ACSS3: variants seen among roughly 807,000 people sequenced by gnomAD.
The protein encoded by ACSS3 is acyl-CoA synthetase short-chain family member 3, mitochondrial.
In ACSS3, 64 loss-of-function variants were observed where a neutral mutation model predicts 84.2. The ratio of observed to expected loss-of-function variants is 0.76; its 90% CI spans 0.62 to 0.94. The LOEUF (loss-of-function observed/expected upper bound fraction) is 0.94. Among genes scored for constraint, ACSS3 ranks in the 40% least tolerant of loss-of-function variants. The pLI, the probability that ACSS3 is intolerant of heterozygous loss-of-function variation, is 0.00. For synonymous variants in ACSS3, 317 were observed against 310.1 expected (o/e 1.02, Z -0.23); for missense variants, 815 against 867.6 (o/e 0.94, Z 0.76).
intron 11 of ACSS3, among the ~76,000 whole-genome samples, chr12:81,228,082 C>T (rs997816802): frequency 6.6e-6 from 1 of 151,768 alleles, no homozygotes; most frequent in African/African-American, 2.4e-5. Context: ...ATTAAAGGTA[C>T]TTTTGATATG....
intron 2 of ACSS3, among the ~76,000 whole-genome samples, chr12:81,127,825 A>G (rs551865264): frequency 1.3e-5 from 2 of 152,270 alleles, no homozygotes; most frequent in East Asian, 1.9e-4. Flanking sequence ...TTAGGTGAGC[A>G]CACTTGCTAT....
At chr12:81,158,026 C>A (rs2135773812) in intron 7 of ACSS3, among the ~76,000 whole-genome samples, 1 of 151,422 alleles carries the variant, frequency 6.6e-6, no homozygotes, top group South Asian at 2.1e-4. Flanking sequence ...GATTAACATA[C>A]AAATATTCAT....
chr12:81,091,241 A>G (rs1025875991), intron 1 of ACSS3, among the ~76,000 whole-genome samples: 1 of 151,998 alleles, frequency 6.6e-6, no homozygotes. Context: ...TTATGTTATC[A>G]GATTGTCATC....
intron 1 of ACSS3, among the ~76,000 whole-genome samples, chr12:81,096,446 A>T (rs1238659221): frequency 4.6e-4 from 70 of 152,190 alleles, no homozygotes; most frequent in Non-Finnish European, 8.8e-5. Context: ...TTAAAAGCGG[A>T]CATGCACTTG....
intron 9 of ACSS3, among the ~76,000 whole-genome samples, chr12:81,208,473 C>G (rs1331297438): frequency 6.6e-6 from 1 of 151,706 alleles, no homozygotes; most frequent in Non-Finnish European, 1.5e-5. Flanking sequence ...GCTTTTGCCC[C>G]GTATCCAGAC....
chr12:81,175,470 A>C (rs933419803), intron 8 of ACSS3, among the ~76,000 whole-genome samples: 2 of 152,176 alleles, frequency 1.3e-5, no homozygotes, highest in African/African-American at 4.8e-5. Context: ...GAGGCAGAAA[A>C]CTAACAAAGA....
intron 1 of ACSS3, among the ~76,000 whole-genome samples, chr12:81,079,012 G>A (rs1378079718): frequency 1.3e-5 from 2 of 152,126 alleles, no homozygotes. Context: ...GAGGGGAAGT[G>A]GTGAGTCAGG....
intron 8 of ACSS3, among the ~76,000 whole-genome samples, chr12:81,176,897 CAT>C (rs1245507262): frequency 6.6e-6 from 1 of 152,106 alleles, no homozygotes; most frequent in East Asian, 1.9e-4. Flanking sequence ...TCCTAATGAA[CAT>C]AGATGCAAAA....
At chr12:81,124,952 C>G (rs969244645) in intron 2 of ACSS3, among the ~76,000 whole-genome samples, 6 of 152,194 alleles carry the variant, frequency 3.9e-5, no homozygotes, top group Non-Finnish European at 8.8e-5. Context: ...TGGTGGCTCA[C>G]GCCTGTAATC....
rs1461685662 is a variant in ACSS3, at chr12:81,258,589, T to C, written c.*3667T>C. 6.6e-6 allele frequency: 1 copy of C among 152,174 alleles called. No individual in the cohort carries two copies. The highest frequency in any genetic ancestry group is 1.5e-5 in the Non-Finnish European group (1 of 68,030). 9.4% of individuals were successfully genotyped at this position (152,174 alleles called of 1,614,324 possible). A position where few individuals can be genotyped will look rare whatever the true frequency, so the allele number is the denominator to read the frequency against. ...CTTCTATACTTTTATACACTATATA[T>C]GTTAATCATTCTGTCTTTCATTTAT... On this transcript the variant is annotated 3_prime_UTR_variant, in exon 16 of 16. Transcript: ENST00000548058.
intron 7 of ACSS3, among the ~76,000 whole-genome samples, chr12:81,156,640 A>G (rs1886886758): frequency 6.6e-6 from 1 of 152,184 alleles, no homozygotes; most frequent in Non-Finnish European, 1.5e-5. Flanking sequence ...AGACATCAAA[A>G]GTGTAATAGG....
chr12:81,106,688 AC>A (rs1470139468), intron 1 of ACSS3, among the ~76,000 whole-genome samples: 1 of 152,146 alleles, frequency 6.6e-6, no homozygotes, highest in East Asian at 1.9e-4. Flanking sequence ...ATTTTTGTTG[AC>A]ATATTTACAT....
intron 1 of ACSS3, among the ~76,000 whole-genome samples, chr12:81,087,600 A>G (rs959427181): frequency 1.1e-4 from 16 of 152,114 alleles, no homozygotes; most frequent in African/African-American, 3.6e-4. Flanking sequence ...TAATGAGTGC[A>G]TGGGAGCTTA....
intron 2 of ACSS3, among the ~76,000 whole-genome samples, chr12:81,115,646 A>G (rs1883977020): frequency 1.3e-5 from 2 of 152,102 alleles, no homozygotes; most frequent in Non-Finnish European, 2.9e-5. Context: ...TCTTTTGTCC[A>G]TTAATTTTTC....
Position 81,254,954 on chromosome 12 carries a change from T to G in ACSS3, c.*32T>G. The G allele has an allele frequency of 6.8e-7, 1 of 1,468,452 alleles. No homozygotes were observed. The highest frequency in any genetic ancestry group is 9.3e-7 in the Non-Finnish European group (1 of 1,080,134). The allele number at this position is 1,468,452 out of a possible 1,614,324, so 91.0% of individuals were successfully genotyped here. Reference sequence around the variant, plus strand: ...TGTCTTATTCCTATTTTGAGTTGATTTAATTTCTTAATTGAAATTAAATTA... The same window carrying G: ...TGTCTTATTCCTATTTTGAGTTGATGTAATTTCTTAATTGAAATTAAATTA... On this transcript the variant is annotated 3_prime_UTR_variant, in exon 16 of 16. Transcript: ENST00000548058.
chr12:81,223,084 A>G (rs1298518296), intron 11 of ACSS3, among the ~76,000 whole-genome samples: 1 of 152,088 alleles, frequency 6.6e-6, no homozygotes, highest in African/African-American at 2.4e-5. Context: ...AACAGAGAAC[A>G]GGGCATGAAA....
At position 81,083,354 on chromosome 12, in the gene ACSS3, TG is replaced by T. The variant is rs533804810; in HGVS notation, c.311+4925del. ...AATTTCCTGTAAAAAATTCAGCTTTTGGTCTTTTTTTTTTTTCTTTTGAGAC... is the reference window on the plus strand; with the variant it reads ...AATTTCCTGTAAAAAATTCAGCTTTTGTCTTTTTTTTTTTTCTTTTGAGAC... On this transcript the variant is annotated intron_variant, in intron 1 of 15. Coordinates refer to ENST00000548058, the MANE Select transcript of ACSS3 (RefSeq NM_024560.4). Among the ~76,000 whole-genome samples the T allele has an allele frequency of 1.5e-3, 191 of 130,864 alleles. 2 individuals are homozygous for T. Among genetic ancestry groups the T allele is most frequent in the African/African-American group, 4.8e-3 (187 of 38,878 alleles). The allele number at this position is 130,864 out of a possible 152,430, so 85.9% of individuals were successfully genotyped here.
At chr12:81,241,608 G>A (rs1429767228) in intron 13 of ACSS3, among the ~76,000 whole-genome samples, 1 of 152,152 alleles carries the variant, frequency 6.6e-6, no homozygotes, top group Non-Finnish European at 1.5e-5. Flanking sequence ...ACTTTTTCAT[G>A]TGTTTTTTGG....
At chr12:81,210,269 T>A (rs2032537963) in intron 9 of ACSS3, among the ~76,000 whole-genome samples, 1 of 152,154 alleles carries the variant, frequency 6.6e-6, no homozygotes, top group African/African-American at 2.4e-5. Context: ...TCAGGCTGAA[T>A]GGGGTGATGA....
Sources: gnomAD v4.1 joint callset for allele counts (sites outside exome capture counted in the v4.1 genomes callset) on GRCh38, gnomAD v4.1.1 for gene constraint, MANE v1.5 for transcripts, NCBI Gene and HGNC (gene_info 2026-07-23, HGNC 2026-07-21) for gene names.